The following METTL15 variants were observed in gnomAD, a reference collection of about 807,000 sequenced individuals.
METTL15 encodes the protein methyltransferase 15, mitochondrial 12S rRNA N4-cytidine.
A neutral mutation model predicts 38.3 loss-of-function variants in METTL15; 34 were observed. That is an observed-to-expected ratio of 0.89 (90% CI 0.68 to 1.18). The LOEUF (loss-of-function observed/expected upper bound fraction) is 1.18, where lower values mean the gene tolerates loss of function less well. Ranked by LOEUF, METTL15 falls within the 50% of genes most tolerant of loss-of-function variation. The pLI is 0.00. For synonymous variants in METTL15, 162 were observed against 170.9 expected (o/e 0.95, Z 0.41); for missense variants, 438 against 498.4 (o/e 0.88, Z 1.15).
Position 28,432,810 on chromosome 11 carries a change from T to A in METTL15, c.*424+8446T>A, listed in dbSNP as rs574736344. Among the ~76,000 whole-genome samples the A allele has an allele frequency of 9.2e-5, 14 of 152,300 alleles. No individual in the cohort carries two copies. In the South Asian group the frequency reaches 2.5e-3, roughly 27 times the overall value. ...AGGGGAGGTAATATGGAAGCAATTG[T>A]GCCCTGGGAAGAATGTTTTATAGCA... is the stretch of plus-strand genomic sequence containing the variant. On this transcript the variant is annotated intron_variant and NMD_transcript_variant, in intron 6 of 7. Coordinates refer to the METTL15 transcript ENST00000532947.
chr11:28,442,790 AAAT>A (rs1269252123), intron 6 of METTL15, among the ~76,000 whole-genome samples: 6 of 152,216 alleles, frequency 3.9e-5, no homozygotes, highest in Middle Eastern at 3.2e-3. Context: ...TTGAGGGAAA[AAAT>A]AATATCCTGC....
intron 4 of METTL15, among the ~76,000 whole-genome samples, chr11:28,243,544 T>G (rs553258260): frequency 1.3e-5 from 2 of 152,320 alleles, no homozygotes; most frequent in South Asian, 4.1e-4. Context: ...AACTGTTCTG[T>G]TTTATTTTTC....
intron 5 of METTL15, among the ~76,000 whole-genome samples, chr11:28,400,167 A>G (rs1211436408): frequency 3.9e-5 from 6 of 151,954 alleles, no homozygotes; most frequent in Non-Finnish European, 8.8e-5. Flanking sequence ...TTAAATGGTT[A>G]CAATTTATTC....
At chr11:28,386,416 A>G (rs541336256) in intron 5 of METTL15, among the ~76,000 whole-genome samples, 7 of 152,072 alleles carry the variant, frequency 4.6e-5, no homozygotes, top group Admixed American at 1.3e-4. Context: ...AAAAGAGAAC[A>G]GGGTTGATCA....
At chr11:28,377,367 C>G (rs1171096389) in intron 5 of METTL15, among the ~76,000 whole-genome samples, 1 of 152,078 alleles carries the variant, frequency 6.6e-6, no homozygotes, top group Non-Finnish European at 1.5e-5. Flanking sequence ...TCCTTTTATT[C>G]TTTTTTCTCT....
At chr11:28,359,216 A>G (rs957664849) in intron 4 of METTL15, among the ~76,000 whole-genome samples, 4 of 152,194 alleles carry the variant, frequency 2.6e-5, no homozygotes, top group Admixed American at 1.3e-4. Flanking sequence ...TAATTAGCTT[A>G]GGATAAGGTT....
At chr11:28,111,283 G>A (rs561093533) in intron 2 of METTL15, among the ~76,000 whole-genome samples, 25 of 152,166 alleles carry the variant, frequency 1.6e-4, no homozygotes, top group African/African-American at 5.5e-4. Context: ...TTTTTCCCCC[G>A]CTACTCTGCG....
chr11:28,469,258 C>CT (rs35043532), intron 6 of METTL15, among the ~76,000 whole-genome samples: 151,064 of 152,104 alleles, frequency 0.99, 75,027 homozygotes, highest in Middle Eastern at 1. Flanking sequence ...TCTGATTGAC[C>CT]TTTTTCCCCC....
At chr11:28,243,629 A>G (rs147026012) in intron 4 of METTL15, among the ~76,000 whole-genome samples, 3 of 152,314 alleles carry the variant, frequency 2.0e-5, no homozygotes, top group Admixed American at 6.5e-5. Context: ...AATTAAGAGT[A>G]GCATTCCAGG....
At chr11:28,375,563 C>T (rs552650308) in intron 5 of METTL15, among the ~76,000 whole-genome samples, 78 of 151,604 alleles carry the variant, frequency 5.1e-4, no homozygotes, top group South Asian at 1.7e-3. Context: ...CTCTTTTTTT[C>T]TTTATTAGTC....
chr11:28,512,438 G>T (rs1477370176), intron 6 of METTL15, among the ~76,000 whole-genome samples: 1 of 152,216 alleles, frequency 6.6e-6, no homozygotes, highest in Non-Finnish European at 1.5e-5. Flanking sequence ...AGATGGGGAG[G>T]CTCAGGCATG....
chr11:28,465,778 T>C (rs1242660300), intron 6 of METTL15, among the ~76,000 whole-genome samples: 1 of 152,212 alleles, frequency 6.6e-6, no homozygotes, highest in Non-Finnish European at 1.5e-5. Flanking sequence ...GATAATTCTT[T>C]GTTGTGGGGG....
At chr11:28,377,303 G>A (rs1039052065) in intron 5 of METTL15, among the ~76,000 whole-genome samples, 1 of 151,814 alleles carries the variant, frequency 6.6e-6, no homozygotes, top group Admixed American at 6.6e-5. Context: ...ACACCAATCA[G>A]ACATAGATTT....
At chr11:28,427,845 G>A (rs971045601) in intron 6 of METTL15, among the ~76,000 whole-genome samples, 1 of 152,046 alleles carries the variant, frequency 6.6e-6, no homozygotes, top group Admixed American at 6.6e-5. Flanking sequence ...TGAGAGGATG[G>A]GATCATGTCA....
At chr11:28,212,429 G>T (rs1033991266) in intron 4 of METTL15, among the ~76,000 whole-genome samples, 1 of 152,072 alleles carries the variant, frequency 6.6e-6, no homozygotes, top group African/African-American at 2.4e-5. Flanking sequence ...TCATATTTGC[G>T]AAACGTTGTA....
intron 6 of METTL15, among the ~76,000 whole-genome samples, chr11:28,496,733 ATGAACT>A (rs1426305490): frequency 1.1e-4 from 16 of 152,262 alleles, no homozygotes; most frequent in African/African-American, 3.9e-4. Context: ...CAATGTAAGT[ATGAACT>A]TGAGGCTCAG....
chr11:28,223,869 C>T (rs1045332350), intron 4 of METTL15, among the ~76,000 whole-genome samples: 17 of 151,886 alleles, frequency 1.1e-4, no homozygotes, highest in African/African-American at 3.6e-4. Flanking sequence ...GACTTTTTAA[C>T]GTAGTGGAAG....
chr11:28,406,307 G>T (rs1033356795), intron 5 of METTL15, among the ~76,000 whole-genome samples: 2 of 152,022 alleles, frequency 1.3e-5, no homozygotes, highest in African/African-American at 4.8e-5. Flanking sequence ...CTTGTTAGCT[G>T]TATTCCTAGG....
At chr11:28,443,980 G>A (rs1016809993) in intron 6 of METTL15, among the ~76,000 whole-genome samples, 1 of 152,020 alleles carries the variant, frequency 6.6e-6, no homozygotes. Context: ...ATTACATTTT[G>A]CTTTTTTCAC....
Sources: gnomAD v4.1 joint callset for allele counts (sites outside exome capture counted in the v4.1 genomes callset) on GRCh38, gnomAD v4.1.1 for gene constraint, MANE v1.5 for transcripts, NCBI Gene and HGNC (gene_info 2026-07-23, HGNC 2026-07-21) for gene names.